Variants in TEP1 observed in about 807,000 individuals in gnomAD.
The protein encoded by TEP1 is telomerase associated protein 1.
Under a neutral mutation model 306.3 loss-of-function variants are expected in TEP1, and 241 were observed. That is an observed-to-expected ratio of 0.79 (90% CI 0.71 to 0.88). The LOEUF (loss-of-function observed/expected upper bound fraction) is 0.88, where lower values mean the gene tolerates loss of function less well. Ranked by LOEUF, TEP1 falls within the 40% of genes least tolerant of loss-of-function variation. The pLI, the probability that TEP1 is intolerant of heterozygous loss-of-function variation, is 0.00. For missense variants in TEP1, 3,051 were observed against 3,276.1 expected, an observed-to-expected ratio of 0.93 and a Z score of 1.68; for synonymous variants, 1,289 against 1,305.5, an observed-to-expected ratio of 0.99 and a Z score of 0.27.
At chr14:20,392,863 T>C (rs1356055513) in intron 12 of TEP1, among the ~76,000 whole-genome samples, 1 of 152,174 alleles carries the variant, frequency 6.6e-6, no homozygotes, top group Non-Finnish European at 1.5e-5. Context: ...AAATGTGTCT[T>C]ATTATTTGAC....
At chr14:20,372,384 G>A (rs932979794) in intron 49 of TEP1, among the ~76,000 whole-genome samples, 2 of 111,728 alleles carry the variant, frequency 1.8e-5, no homozygotes, top group African/African-American at 5.9e-5. Flanking sequence ...GTGTGTATGT[G>A]TGTGTGTGTG....
Position 20,413,407 on chromosome 14 carries a change from G to A in TEP1, c.-27C>T, listed in dbSNP as rs569695599. On this transcript the variant is annotated splice_region_variant and 5_prime_UTR_variant, in exon 1 of 55. Coordinates refer to ENST00000262715, the MANE Select transcript of TEP1 (RefSeq NM_007110.5). ...GCTGGAAACCCTGGGTGCCTGACCTGGGGCGTCCGATTCCCGCAGCAGGAA... is the reference window on the plus strand; with the variant it reads ...GCTGGAAACCCTGGGTGCCTGACCTAGGGCGTCCGATTCCCGCAGCAGGAA... The A allele has an allele frequency of 6.6e-6, 1 of 152,486 alleles. No homozygotes were observed. Among genetic ancestry groups the A allele is most frequent in the East Asian group, 1.9e-4 (1 of 5,182 alleles). The allele number at this position is 152,486 out of a possible 1,614,324, so 9.4% of individuals were successfully genotyped here.
rs781309393 is a variant in TEP1, at chr14:20,383,493, G to A, written c.3862C>T (p.Pro1288Ser). 22 of 1,614,058 alleles carry A rather than the reference G, an allele frequency of 1.4e-5. No homozygotes were observed. Among genetic ancestry groups the A allele is most frequent in the Non-Finnish European group, 1.8e-5 (21 of 1,180,010 alleles). The change falls in exon 26 of 55, where the codon CCC (proline) becomes TCC (serine). Residue 1288 changes from proline to serine, a missense_variant. Physicochemically the swap from Pro to Ser is moderately conservative, Grantham distance 74. Transcript: ENST00000262715. ...LISDWIPKKL[P>S]RCVHLVLSVS... ...CACCTCCTTCTCACACTCACCCGGGGAAGCTTCTTTGGGATCCAGTCTGAA... is the reference window on the plus strand; with the variant it reads ...CACCTCCTTCTCACACTCACCCGGGAAAGCTTCTTTGGGATCCAGTCTGAA...
intron 42 of TEP1, 103 bp downstream of exon 42, chr14:20,376,001 G>T: frequency 1.3e-6 from 2 of 1,519,140 alleles, no homozygotes; most frequent in Non-Finnish European, 1.8e-6. Context: ...TACTAGATTT[G>T]GCAAAACAAA....
intron 1 of TEP1, among the ~76,000 whole-genome samples, chr14:20,410,548 G>A (rs1309207529): frequency 5.3e-5 from 8 of 150,650 alleles, no homozygotes; most frequent in Middle Eastern, 7.0e-3. Context: ...TCAGCCTCCC[G>A]AGTAGCTGGA....
Position 20,368,779 on chromosome 14 carries a change from CACACACA to C in TEP1, c.7761+12_7761+18del, listed in dbSNP as rs748802057. ...GCAGGCGCACGCACACACACACACA[CACACACA>C]CACACACTTACCAGCTGCATACTGG... On this transcript the variant is annotated intron_variant, in intron 54 of 54. Coordinates refer to ENST00000262715, the MANE Select transcript of TEP1 (RefSeq NM_007110.5). 6.3e-7 allele frequency: 1 copy of C among 1,599,794 alleles called. No homozygotes were observed.
In TEP1 at chr14:20,390,722, A is replaced by G; in HGVS notation, c.2293T>C (p.Phe765Leu). The change falls in exon 15 of 55, where the codon TTT (phenylalanine) becomes CTT (leucine). Residue 765 changes from phenylalanine to leucine, a missense_variant. Physicochemically the swap from Phe to Leu is conservative, Grantham distance 22. Transcript: ENST00000262715. ...DENDGWSLNT[F>L]GKYLLSLAGQ... Reference sequence around the variant, plus strand: ...GCCAGAGACAGCAGGTATTTCCCAAAAGTATTCAGGGACCATCCATCATTT... The same window carrying G: ...GCCAGAGACAGCAGGTATTTCCCAAGAGTATTCAGGGACCATCCATCATTT... The G allele has an allele frequency of 6.2e-7, 1 of 1,614,214 alleles. No homozygotes were observed. The highest frequency in any genetic ancestry group is 8.5e-7 in the Non-Finnish European group (1 of 1,180,044).
At chr14:20,390,644 G>C (rs145462743) in intron 15 of TEP1, 37 bp downstream of exon 15, 41 of 1,589,346 alleles carry the variant, frequency 2.6e-5, no homozygotes, top group African/African-American at 9.4e-5. Context: ...AGGAAAATGT[G>C]GGGGAGGGAG....
At position 20,395,595 on chromosome 14, in the gene TEP1, T is replaced by A. The variant is rs1223460342; in HGVS notation, c.1783A>T (p.Arg595Trp). 6.2e-7 allele frequency: 1 copy of A among 1,608,472 alleles called. No individual in the cohort carries two copies. Among genetic ancestry groups the A allele is most frequent in the Non-Finnish European group, 8.5e-7 (1 of 1,175,368 alleles). Residue 595 changes from arginine (R) to tryptophan (W), a missense_variant, in exon 12 of 55, where the codon AGG becomes TGG. Arg to Trp is a moderately radical substitution (Grantham distance 101). Transcript: ENST00000262715. ...LPFPSNITLMRRILTRNEKNR... is the reference protein window; with the variant it reads ...LPFPSNITLMWRILTRNEKNR... ...TTTTCATTTCTAGTTAGTATCCGCCTCATCAGTGTTATATTCGAAGGAAAG... is the reference window on the plus strand; with the variant it reads ...TTTTCATTTCTAGTTAGTATCCGCCACATCAGTGTTATATTCGAAGGAAAG...
chr14:20,393,329 A>G (rs1410332231), intron 12 of TEP1, among the ~76,000 whole-genome samples: 1 of 152,206 alleles, frequency 6.6e-6, no homozygotes, highest in Admixed American at 6.5e-5. Context: ...GCATATTTAA[A>G]GTTTTTTATA....
chr14:20,389,524 G>A (rs1364885386), intron 16 of TEP1, 86 bp downstream of exon 16: 3 of 1,565,084 alleles, frequency 1.9e-6, no homozygotes, highest in South Asian at 1.2e-5. Context: ...CCTGCCAAGT[G>A]GGAGTGTCCT....
At position 20,383,186 on chromosome 14, in the gene TEP1, T is replaced by C. The variant is rs1364740936; in HGVS notation, c.4035A>G (p.Pro1345=). Residue 1345 remains proline (P), a synonymous_variant, in exon 27 of 55, where the codon CCA becomes CCG. Coordinates refer to ENST00000262715, the MANE Select transcript of TEP1 (RefSeq NM_007110.5). ...CCTAGAACCCAACCTGGTTGTTAAATGGTGACTCCTCCAGCCGCTTCCCGT... is the reference window on the plus strand; with the variant it reads ...CCTAGAACCCAACCTGGTTGTTAAACGGTGACTCCTCCAGCCGCTTCCCGT... The part of the protein sequence containing the change: ...ALYGKRLEES[P]FNNQMRLLLV... 6.2e-7 allele frequency: 1 copy of C among 1,601,580 alleles called. No homozygotes were observed. The highest frequency in any genetic ancestry group is 1.3e-5 in the African/African-American group (1 of 74,378).
rs1347488396 is a variant in TEP1, at chr14:20,408,492, C to T, written c.-24-29G>A. On this transcript the variant is annotated intron_variant, in intron 1 of 54. Transcript: ENST00000262715. The stretch of plus-strand genomic sequence containing the variant: ...GAAGGAGAGAAAGACAGGAGATGAG[C>T]ACCTGGCTGCACTGAGCGTGTATTT... The T allele has an allele frequency of 3.3e-6, 5 of 1,533,212 alleles. No individual in the cohort carries two copies. The East Asian group carries it at 9.0e-5, about 28-fold the overall frequency. The allele number at this position is 1,533,212 out of a possible 1,614,324, so 95.0% of individuals were successfully genotyped here.
intron 20 of TEP1, among the ~76,000 whole-genome samples, chr14:20,385,855 C>T (rs1420426185): frequency 6.6e-6 from 1 of 152,154 alleles, no homozygotes; most frequent in Admixed American, 6.5e-5. Flanking sequence ...GCAGACCCAC[C>T]CTCTTACTTT....
chr14:20,371,746 C>T, intron 49 of TEP1, 114 bp from the exon 50 acceptor site: 2 of 1,259,424 alleles, frequency 1.6e-6, no homozygotes, highest in South Asian at 3.5e-5. Flanking sequence ...AATGTATCAC[C>T]TTCCCTGAAA....
Position 20,384,081 on chromosome 14 carries a change from C to T in TEP1, c.3491G>A (p.Ser1164Asn), listed in dbSNP as rs747789293. The T allele has an allele frequency of 3.7e-6, 6 of 1,613,438 alleles. No homozygotes were observed. The African/African-American group carries it at 6.7e-5, about 18-fold the overall frequency. ...CTGTCCTGACTGCCCCGTCACCAGG[C>T]TCAGCCTTCCGTGGGGCAGCATCAG... ...QRLMLPHGRL[S>N]LVTGQSGQGK... The change falls in exon 24 of 55, where the codon AGC (serine) becomes AAC (asparagine). Residue 1164 changes from serine to asparagine, a missense_variant. By Grantham distance (46) the Ser-to-Asn change is conservative. Transcript: ENST00000262715.
At position 20,377,511 on chromosome 14, in the gene TEP1, C is replaced by T. The variant is rs761580777; in HGVS notation, c.5876-19G>A. 1 of 1,612,936 alleles carries T rather than the reference C, an allele frequency of 6.2e-7. No individual in the cohort carries two copies. The highest frequency in any genetic ancestry group is 8.5e-7 in the Non-Finnish European group (1 of 1,179,130). ...TGGGAACCTAGAGAATGAGAGAGAA[C>T]AAGGGAGTAAGACACTTGGGAAGGG... On this transcript the variant is annotated intron_variant, in intron 40 of 54. Coordinates refer to ENST00000262715, the MANE Select transcript of TEP1 (RefSeq NM_007110.5).
chr14:20,404,722 G>A lies in TEP1; in HGVS notation c.921C>T (p.Asn307=). The stretch of plus-strand genomic sequence containing the variant: ...GCAAGAAAGCAGCAATGGCCAAGAT[G>A]TTATTGGCCACATTCCGGACGTTCA... ...QQLNVRNVAN[N]ILAIAAFLPA... The change falls in exon 5 of 55, where the codon AAC becomes AAT. Residue 307 remains asparagine, a synonymous_variant. Transcript: ENST00000262715. 1 of 1,613,786 alleles carries A rather than the reference G, an allele frequency of 6.2e-7. No individual in the cohort carries two copies. The highest frequency in any genetic ancestry group is 8.5e-7 in the Non-Finnish European group (1 of 1,179,884).
chr14:20,387,466 G>A (rs1224778527), intron 18 of TEP1, among the ~76,000 whole-genome samples: 2 of 150,320 alleles, frequency 1.3e-5, no homozygotes, highest in African/African-American at 2.5e-5. Flanking sequence ...GCAGGAGAAT[G>A]GTGTGAACCC....
Sources: gnomAD v4.1 joint callset for allele counts (sites outside exome capture counted in the v4.1 genomes callset) on GRCh38, gnomAD v4.1.1 for gene constraint, MANE v1.5 for transcripts, NCBI Gene and HGNC (gene_info 2026-07-23, HGNC 2026-07-21) for gene names.